The following LRRC8C variants were observed in gnomAD, a reference collection of about 807,000 sequenced individuals.
The protein encoded by LRRC8C is volume-regulated anion channel subunit LRRC8C.
In LRRC8C, 20 loss-of-function variants were observed where a neutral mutation model predicts 55.3. The ratio of observed to expected loss-of-function variants is 0.36; its 90% CI spans 0.25 to 0.53. LRRC8C has a LOEUF of 0.53. LRRC8C is among the 20% of genes least tolerant of loss of function. The probability of loss-of-function intolerance (pLI) is 0.92; values close to 1 mark genes in which losing one functional copy is unlikely to be tolerated. For synonymous variants in LRRC8C, 376 were observed against 360.7 expected, an observed-to-expected ratio of 1.04 and a Z score of -0.48; for missense variants, 659 against 951.4, an observed-to-expected ratio of 0.69 and a Z score of 4.04.
chr1:89,661,007 C>G (rs745793006), intron 1 of LRRC8C, among the ~76,000 whole-genome samples: 7 of 152,166 alleles, frequency 4.6e-5, no homozygotes, highest in Non-Finnish European at 1.0e-4. Flanking sequence ...TATTCCTTTG[C>G]TTGTCTCAAT....
intron 1 of LRRC8C, among the ~76,000 whole-genome samples, chr1:89,657,996 G>GACT (rs1570700767): frequency 1.3e-5 from 2 of 152,102 alleles, no homozygotes; most frequent in African/African-American, 4.8e-5. Context: ...TACTCAGCTT[G>GACT]ACTATGATTT....
upstream of LRRC8C, among the ~76,000 whole-genome samples, chr1:89,629,229 G>T (rs558480773): frequency 1.1e-3 from 161 of 152,304 alleles, no homozygotes; most frequent in African/African-American, 3.7e-3. Flanking sequence ...AAGTGCTAAT[G>T]GTTGCAACAG....
the LRRC8C span, among the ~76,000 whole-genome samples, chr1:89,624,277 C>A: frequency 4.2e-4 from 64 of 152,316 alleles, no homozygotes; most frequent in Non-Finnish European, 6.8e-4. Flanking sequence ...TCTTTCAAGG[C>A]TGTTCACTGT....
Position 89,633,170 on chromosome 1 carries a change from C to G in LRRC8C, c.-157C>G, listed in dbSNP as rs901719320. On this transcript the variant is annotated 5_prime_UTR_variant, in exon 1 of 3. Transcript: ENST00000370454. ...CGCGAAGAGAAGTAGGAGGAAGGCG[C>G]CGCCGTGGCCGCGGCCGCAGTGCTC... The G allele has an allele frequency of 2.6e-5, 4 of 152,154 alleles. No individual in the cohort carries two copies. The highest frequency in any genetic ancestry group is 2.0e-4 in the Admixed American group (3 of 15,278). The allele number at this position is 152,154 out of a possible 1,614,324, so 9.4% of individuals were successfully genotyped here.
intron 1 of LRRC8C, among the ~76,000 whole-genome samples, chr1:89,652,060 A>G (rs1231832061): frequency 6.6e-6 from 1 of 152,186 alleles, no homozygotes; most frequent in Non-Finnish European, 1.5e-5. Flanking sequence ...AAGGCAATGT[A>G]GTATATTTTT....
At chr1:89,622,900 A>C in the LRRC8C span, among the ~76,000 whole-genome samples, 1 of 152,210 alleles carries the variant, frequency 6.6e-6, no homozygotes, top group Non-Finnish European at 1.5e-5. Context: ...AATTTTGGTT[A>C]AGCCAATAAA....
chr1:89,686,481 C>A lies in LRRC8C; in HGVS notation c.8C>A (p.Pro3His). The A allele has an allele frequency of 6.2e-7, 1 of 1,614,054 alleles. No homozygotes were observed. The highest frequency in any genetic ancestry group is 1.3e-5 in the African/African-American group (1 of 75,012). Residue 3 changes from proline to histidine, a missense_variant, in exon 2 of 3, where the codon CCC becomes CAC. By Grantham distance (77) the Pro-to-His change is moderately conservative. Transcript: ENST00000370454. ...CTCTCCTTTCTCAGAAACATGATTCCCGTGACAGAATTCCGGCAGTTCTCT... is the reference window on the plus strand; with the variant it reads ...CTCTCCTTTCTCAGAAACATGATTCACGTGACAGAATTCCGGCAGTTCTCT... Reference protein sequence around the residue: MIPVTEFRQFSEQ... With the variant: MIHVTEFRQFSEQ...
intron 1 of LRRC8C, among the ~76,000 whole-genome samples, chr1:89,640,648 A>G (rs923714108): frequency 2.0e-5 from 3 of 152,224 alleles, no homozygotes; most frequent in Admixed American, 1.3e-4. Flanking sequence ...TCCAGCACAC[A>G]TAACTTTCTA....
intron 2 of LRRC8C, among the ~76,000 whole-genome samples, chr1:89,690,066 C>T (rs1478834332): frequency 6.6e-6 from 1 of 152,006 alleles, no homozygotes; most frequent in Non-Finnish European, 1.5e-5. Context: ...ATTAAGTAAT[C>T]AGTTGGATGT....
chr1:89,647,036 C>T (rs1234378705), intron 1 of LRRC8C, among the ~76,000 whole-genome samples: 2 of 140,334 alleles, frequency 1.4e-5, no homozygotes, highest in Admixed American at 1.5e-4. Context: ...AATAACATAA[C>T]ATTAATAATA....
intron 2 of LRRC8C, among the ~76,000 whole-genome samples, chr1:89,696,267 G>A (rs1658168331): frequency 6.6e-6 from 1 of 152,190 alleles, no homozygotes; most frequent in African/African-American, 2.4e-5. Flanking sequence ...CACATTATCA[G>A]TTTCCTGGTG....
intron 1 of LRRC8C, among the ~76,000 whole-genome samples, chr1:89,658,177 G>A (rs1657004631): frequency 6.6e-6 from 1 of 152,150 alleles, no homozygotes; most frequent in Non-Finnish European, 1.5e-5. Context: ...TATTGGAGTT[G>A]TTTGAGTCTC....
chr1:89,716,301 A>C lies in LRRC8C; in HGVS notation c.*1319A>C, dbSNP rs1658816484. On this transcript the variant is annotated 3_prime_UTR_variant, in exon 3 of 3. Coordinates refer to ENST00000370454, the MANE Select transcript of LRRC8C (RefSeq NM_032270.5). ...TGGTGTTCGAGGGCATCCTGGAATCAATTCCCCATGATACCGAGGGATGAC... is the reference window on the plus strand; with the variant it reads ...TGGTGTTCGAGGGCATCCTGGAATCCATTCCCCATGATACCGAGGGATGAC... 1 of 152,184 alleles carries C rather than the reference A, an allele frequency of 6.6e-6. No homozygotes were observed. Among genetic ancestry groups the C allele is most frequent in the Admixed American group, 6.6e-5 (1 of 15,264 alleles). The allele number at this position is 152,184 out of a possible 1,614,324, so 9.4% of individuals were successfully genotyped here.
At chr1:89,662,929 C>T (rs974117747) in intron 1 of LRRC8C, among the ~76,000 whole-genome samples, 8 of 152,084 alleles carry the variant, frequency 5.3e-5, no homozygotes, top group African/African-American at 1.9e-4. Context: ...CCCATCAACC[C>T]GTCGTCTACA....
chr1:89,650,006 G>T (rs973811169), intron 1 of LRRC8C, among the ~76,000 whole-genome samples: 1 of 152,112 alleles, frequency 6.6e-6, no homozygotes, highest in Non-Finnish European at 1.5e-5. Context: ...CATTCTAGTA[G>T]TTGAGTCCTA....
At chr1:89,635,680 C>T (rs1174966138) in intron 1 of LRRC8C, among the ~76,000 whole-genome samples, 2 of 152,150 alleles carry the variant, frequency 1.3e-5, no homozygotes, top group East Asian at 3.8e-4. Flanking sequence ...GTTTTCTGCC[C>T]AGCGTTTTCC....
At chr1:89,678,627 G>A (rs1480266208) in intron 1 of LRRC8C, among the ~76,000 whole-genome samples, 2 of 151,900 alleles carry the variant, frequency 1.3e-5, no homozygotes, top group Non-Finnish European at 2.9e-5. Flanking sequence ...ATGAACCTGG[G>A]AGGCAGATAT....
At chr1:89,690,780 C>T (rs1175343935) in intron 2 of LRRC8C, among the ~76,000 whole-genome samples, 1 of 152,098 alleles carries the variant, frequency 6.6e-6, no homozygotes, top group African/African-American at 2.4e-5. Flanking sequence ...GTCCAGAAGG[C>T]TTTTGGGCTC....
chr1:89,631,831 T>C (rs1656116486), upstream of LRRC8C: 1 of 152,190 alleles, frequency 6.6e-6, no homozygotes, highest in Admixed American at 6.5e-5. Flanking sequence ...AAGTGTAGGA[T>C]TTTGCTGAGT....
Sources: gnomAD v4.1 joint callset for allele counts (sites outside exome capture counted in the v4.1 genomes callset) on GRCh38, gnomAD v4.1.1 for gene constraint, MANE v1.5 for transcripts, NCBI Gene and HGNC (gene_info 2026-07-23, HGNC 2026-07-21) for gene names.